Variants in FOLR3 observed in about 807,000 individuals in gnomAD.
FOLR3 encodes the protein folate receptor gamma, also known as folate receptor 3 (gamma).
FOLR3 carries 9 observed loss-of-function variants against 20.0 expected under a neutral mutation model. The ratio of observed to expected loss-of-function variants is 0.45; its 90% CI spans 0.27 to 0.79. The LOEUF is 0.79. FOLR3 is among the 30% of genes least tolerant of loss of function. The pLI is 0.15. For synonymous variants in FOLR3, 124 were observed against 115.5 expected, an observed-to-expected ratio of 1.07 and a Z score of -0.47; for missense variants, 309 against 323.5, an observed-to-expected ratio of 0.96 and a Z score of 0.34.
rs145575368 is a variant in FOLR3, at chr11:72,139,785, C to T, written c.692C>T (p.Ala231Val). 1,197 of 1,614,044 alleles carry T rather than the reference C, an allele frequency of 7.4e-4. 3 individuals carry two copies. The African/African-American group carries it at 0.014, about 19-fold the overall frequency. The part of the protein sequence containing the change: ...PNEEVAKFYA[A>V]AMNAGAPSRG... ...GAGGAGGTGGCCAAGTTCTATGCTGCGGCCATGAATGCTGGGGCCCCGTCT... is the reference window on the plus strand; with the variant it reads ...GAGGAGGTGGCCAAGTTCTATGCTGTGGCCATGAATGCTGGGGCCCCGTCT... Residue 231 changes from alanine to valine, a missense_variant, in exon 5 of 5, where the codon GCG becomes GTG. Ala to Val is a moderately conservative substitution (Grantham distance 64). Coordinates refer to ENST00000611028, the MANE Select transcript of FOLR3 (RefSeq NM_000804.4).
At chr11:72,136,652 C>A (rs982207259) in intron 2 of FOLR3, among the ~76,000 whole-genome samples, 1 of 152,186 alleles carries the variant, frequency 6.6e-6, no homozygotes, top group Non-Finnish European at 1.5e-5. Flanking sequence ...CTCTTTCATT[C>A]TCCAAAACTG....
rs558930060 is a variant in FOLR3, at chr11:72,139,329, T to C, written c.358-18T>C. On this transcript the variant is annotated intron_variant, in intron 3 of 4. Transcript: ENST00000611028. Reference sequence around the variant, plus strand: ...AGATACGTGGCTGACAGGAGTATTCTGTCTCCTCCCCACTCAGGTCAACCA... The same window carrying C: ...AGATACGTGGCTGACAGGAGTATTCCGTCTCCTCCCCACTCAGGTCAACCA... 62 of 1,609,500 alleles carry C rather than the reference T, an allele frequency of 3.9e-5. No homozygotes were observed. Among genetic ancestry groups the C allele is most frequent in the African/African-American group, 2.0e-4 (15 of 74,934 alleles).
chr11:72,138,179 A>C (rs1408015184), intron 2 of FOLR3, among the ~76,000 whole-genome samples: 2 of 151,990 alleles, frequency 1.3e-5, no homozygotes, highest in African/African-American at 2.4e-5. Flanking sequence ...CCAGCCTGGC[A>C]AACATGGTGA....
chr11:72,139,311 T>C, intron 3 of FOLR3, 36 bp from the exon 4 acceptor site: 1 of 1,603,168 alleles, frequency 6.2e-7, no homozygotes. Context: ...CTGAGATACG[T>C]GGCTGACAGG....
rs765420568 is a variant in FOLR3, at chr11:72,139,371, C to G, written c.382C>G (p.Arg128Gly). The G allele has an allele frequency of 6.2e-7, 1 of 1,611,756 alleles. No individual in the cohort carries two copies. The highest frequency in any genetic ancestry group is 8.5e-7 in the Non-Finnish European group (1 of 1,178,880). Residue 128 changes from arginine to glycine, a missense_variant, in exon 4 of 5, where the codon CGC (arginine) becomes GGC (glycine). Transcript: ENST00000611028. ...RQVNQSWRKE[R>G]ILNVPLCKED... ...GGTCAACCAGAGCTGGCGCAAAGAGCGCATTCTGAACGTGCCCCTGTGCAA... is the reference window on the plus strand; with the variant it reads ...GGTCAACCAGAGCTGGCGCAAAGAGGGCATTCTGAACGTGCCCCTGTGCAA...
chr11:72,139,715 C>G lies in FOLR3; in HGVS notation c.622C>G (p.Arg208Gly), dbSNP rs767401077. 1 of 1,613,914 alleles carries G rather than the reference C, an allele frequency of 6.2e-7. No homozygotes were observed. Among genetic ancestry groups the G allele is most frequent in the African/African-American group, 1.3e-5 (1 of 74,996 alleles). The change falls in exon 5 of 5, where the codon CGC becomes GGC. Residue 208 changes from arginine (R) to glycine (G), a missense_variant. Physicochemically the swap from Arg to Gly is moderately radical, Grantham distance 125. Coordinates refer to ENST00000611028, the MANE Select transcript of FOLR3 (RefSeq NM_000804.4). ...KVSNYSRGSG[R>G]CIQMWFDSAQ... ...CAGCAACTATAGTCGAGGGAGCGGC[C>G]GCTGCATCCAGATGTGGTTTGACTC...
At chr11:72,138,104 C>T (rs939015464) in intron 2 of FOLR3, among the ~76,000 whole-genome samples, 5 of 152,192 alleles carry the variant, frequency 3.3e-5, no homozygotes, top group East Asian at 1.9e-4. Flanking sequence ...CGGTGACTCA[C>T]GCCTGTAATC....
chr11:72,139,141 A>G lies in FOLR3; in HGVS notation c.349A>G (p.Ile117Val), dbSNP rs1176183701. The change falls in exon 3 of 5, where the codon ATC becomes GTC. Residue 117 changes from isoleucine (I) to valine (V), a missense_variant. By Grantham distance (29) the Ile-to-Val change is conservative. Coordinates refer to ENST00000611028, the MANE Select transcript of FOLR3 (RefSeq NM_000804.4). ...YECSPNLGPW[I>V]RQVNQSWRKE... Reference sequence around the variant, plus strand: ...GTGCTCACCCAACCTGGGGCCCTGGATCCGGCAGGTATGAGTGCTGTTCCC... The same window carrying G: ...GTGCTCACCCAACCTGGGGCCCTGGGTCCGGCAGGTATGAGTGCTGTTCCC... 6.2e-7 allele frequency: 1 copy of G among 1,612,966 alleles called. No individual in the cohort carries two copies. Among genetic ancestry groups the G allele is most frequent in the Middle Eastern group, 1.7e-4 (1 of 6,052 alleles).
rs369675505 is a variant in FOLR3 at position 72,139,779 on chromosome 11, A to G, written c.686A>G (p.Tyr229Cys). ...CCCAATGAGGAGGTGGCCAAGTTCT[A>G]TGCTGCGGCCATGAATGCTGGGGCC... ...GNPNEEVAKF[Y>C]AAAMNAGAPS... The change falls in exon 5 of 5, where the codon TAT becomes TGT. Residue 229 changes from tyrosine to cysteine, a missense_variant. Physicochemically the swap from Tyr to Cys is radical, Grantham distance 194 (BLOSUM62 -2). Coordinates refer to ENST00000611028, the MANE Select transcript of FOLR3 (RefSeq NM_000804.4). 128 of 1,614,038 alleles carry G rather than the reference A, an allele frequency of 7.9e-5. No individual in the cohort carries two copies. The African/African-American group carries it at 1.3e-3, about 16-fold the overall frequency.
At chr11:72,137,090 C>T (rs1223634065) in intron 2 of FOLR3, among the ~76,000 whole-genome samples, 1 of 152,174 alleles carries the variant, frequency 6.6e-6, no homozygotes, top group African/African-American at 2.4e-5. Flanking sequence ...CCATGGATTT[C>T]CCTATTGTTT....
intron 2 of FOLR3, among the ~76,000 whole-genome samples, chr11:72,136,813 T>G (rs1947747501): frequency 6.6e-6 from 1 of 152,192 alleles, no homozygotes; most frequent in Non-Finnish European, 1.5e-5. Context: ...GTGATGATAT[T>G]TGTTGAGCCC....
chr11:72,139,355 G>C lies in FOLR3; in HGVS notation c.366G>C (p.Gln122His), dbSNP rs774245593. 8 of 1,611,662 alleles carry C rather than the reference G, an allele frequency of 5.0e-6. No homozygotes were observed. Among genetic ancestry groups the C allele is most frequent in the Non-Finnish European group, 6.8e-6 (8 of 1,178,756 alleles). The stretch of plus-strand genomic sequence containing the variant: ...GTCTCCTCCCCACTCAGGTCAACCA[G>C]AGCTGGCGCAAAGAGCGCATTCTGA... ...NLGPWIRQVN[Q>H]SWRKERILNV... The change falls in exon 4 of 5, where the codon CAG (glutamine) becomes CAC (histidine). Residue 122 changes from glutamine to histidine, a missense_variant. Physicochemically the swap from Gln to His is conservative, Grantham distance 24. Transcript: ENST00000611028.
At chr11:72,139,184 C>G in intron 3 of FOLR3, 35 bp downstream of exon 3, 1 of 1,594,048 alleles carries the variant, frequency 6.3e-7, no homozygotes, top group Non-Finnish European at 8.6e-7. Context: ...TTAACCTCAG[C>G]AGAGGGCGGA....
intron 4 of FOLR3, 27 bp from the exon 5 acceptor site, chr11:72,139,560 T>C (rs373155176): frequency 2.1e-4 from 331 of 1,613,412 alleles, no homozygotes; most frequent in Non-Finnish European, 2.6e-4. Context: ...GCCCAGAAGC[T>C]AAGGGTCTTA....
In FOLR3 at chr11:72,139,007, A is replaced by G. The variant is rs1208628137; in HGVS notation, c.215A>G (p.Gln72Arg). 3.1e-6 allele frequency: 5 copies of G among 1,614,010 alleles called. No homozygotes were observed. The highest frequency in any genetic ancestry group is 2.2e-5 in the South Asian group (2 of 91,086). ...GCCTGCTGCACGGCCAGCACCAGCCAGGAGCTGCACAAGGACACCTCCCGC... is the reference window on the plus strand; with the variant it reads ...GCCTGCTGCACGGCCAGCACCAGCCGGGAGCTGCACAAGGACACCTCCCGC... The part of the protein sequence containing the change: ...KNACCTASTS[Q>R]ELHKDTSRLY... Residue 72 changes from glutamine (Q) to arginine (R), a missense_variant, in exon 3 of 5, where the codon CAG becomes CGG. Transcript: ENST00000611028.
chr11:72,138,878 G>GACCT, intron 2 of FOLR3, 83 bp from the exon 3 acceptor site: 1 of 1,538,324 alleles, frequency 6.5e-7, no homozygotes, highest in Non-Finnish European at 8.8e-7. Flanking sequence ...TCCTCTGGAT[G>GACCT]ACCTACCTGG....
chr11:72,135,904 C>G (rs1947736032), intron 1 of FOLR3, 43 bp from the exon 2 acceptor site: 1 of 1,589,440 alleles, frequency 6.3e-7, no homozygotes, highest in African/African-American at 1.4e-5. Flanking sequence ...GCTGTTGCCC[C>G]TGTCTCAGGC....
chr11:72,138,447 G>C (rs1947768276), intron 2 of FOLR3, among the ~76,000 whole-genome samples: 1 of 152,110 alleles, frequency 6.6e-6, no homozygotes, highest in African/African-American at 2.4e-5. Flanking sequence ...CTCTCAGACA[G>C]TGGCTCTCCC....
At chr11:72,135,873 G>C in intron 1 of FOLR3, 74 bp from the exon 2 acceptor site, 2 of 1,469,140 alleles carry the variant, frequency 1.4e-6, no homozygotes, top group Non-Finnish European at 1.9e-6. Flanking sequence ...GCCTGGGAGG[G>C]AGAGAGTACA....
Sources: allele counts gnomAD v4.1 joint callset (sites outside exome capture counted in the v4.1 genomes callset), GRCh38; gene constraint gnomAD v4.1.1; transcripts MANE v1.5; gene names NCBI Gene and HGNC (gene_info 2026-07-23, HGNC 2026-07-21).